Variants in TFEC observed in about 807,000 individuals in gnomAD.
The protein encoded by TFEC is transcription factor EC, also known as class E basic helix-loop-helix protein 34.
A neutral mutation model predicts 41.6 loss-of-function variants in TFEC; 31 were observed. The ratio of observed to expected loss-of-function variants is 0.74; its 90% CI spans 0.56 to 1.01. The LOEUF is 1.01. Among genes scored for constraint, TFEC ranks in the 50% least tolerant of loss-of-function variants. The pLI, the probability that TFEC is intolerant of heterozygous loss-of-function variation, is 0.00. For missense variants in TFEC, 402 were observed against 404.1 expected, an observed-to-expected ratio of 0.99 and a Z score of 0.04; for synonymous variants, 143 against 140.6, an observed-to-expected ratio of 1.02 and a Z score of -0.12.
At chr7:116,130,137 C>A (rs1233819707) in intron 1 of TFEC, among the ~76,000 whole-genome samples, 1 of 151,624 alleles carries the variant, frequency 6.6e-6, no homozygotes, top group Non-Finnish European at 1.5e-5. Context: ...GAAGCCCCAT[C>A]CACTAGAAAT....
chr7:115,951,189 A>G (rs1346037734), intron 5 of TFEC, among the ~76,000 whole-genome samples: 1 of 152,138 alleles, frequency 6.6e-6, no homozygotes, highest in African/African-American at 2.4e-5. Flanking sequence ...AAACATTTTT[A>G]AAAATTCCTT....
intron 3 of TFEC, among the ~76,000 whole-genome samples, chr7:116,077,077 C>A (rs190925238): frequency 4.6e-5 from 7 of 152,166 alleles, no homozygotes; most frequent in Admixed American, 1.3e-4. Context: ...CAGCAGATTT[C>A]TCAGCAGAAA....
chr7:116,051,149 G>C (rs1464160783), intron 3 of TFEC, among the ~76,000 whole-genome samples: 3 of 152,144 alleles, frequency 2.0e-5, no homozygotes, highest in African/African-American at 7.2e-5. Flanking sequence ...GCCTGTCTTG[G>C]GGTTGGGGGA....
Position 116,129,113 on chromosome 7 carries a change from A to G in TFEC, c.-68-17075T>C, listed in dbSNP as rs559799674. Among the ~76,000 whole-genome samples the G allele has an allele frequency of 7.7e-4, 117 of 152,340 alleles. 1 individual carries two copies. Among genetic ancestry groups the G allele is most frequent in the African/African-American group, 2.6e-3 (108 of 41,574 alleles). ...AAATTAAGGTAAAGACCAATAAACCAGAAATCTACTATCATTGGAGATTTG... is the reference window on the plus strand; with the variant it reads ...AAATTAAGGTAAAGACCAATAAACCGGAAATCTACTATCATTGGAGATTTG... On this transcript the variant is annotated intron_variant, in intron 1 of 8. Coordinates refer to the TFEC transcript ENST00000484212.
intron 1 of TFEC, among the ~76,000 whole-genome samples, chr7:116,020,057 T>A (rs1055898706): frequency 1.3e-5 from 2 of 152,174 alleles, no homozygotes; most frequent in Non-Finnish European, 2.9e-5. Context: ...CTTCATTTAA[T>A]CCTCACAGCA....
Position 115,954,596 on chromosome 7 carries a change from G to A in TFEC, c.429C>T (p.Asn143=), listed in dbSNP as rs1792121934. ...ALAKERQKKD[N]HNLIERRRRY... is the part of the protein sequence containing the mutation. ...AAAATATATACTCACTGAGGTTGTG[G>A]TTGTCCTTTTTTTGTCTCTCTTTTG... Residue 143 remains asparagine (N), a synonymous_variant, in exon 5 of 8, where the codon AAC becomes AAT. Coordinates refer to ENST00000265440, the MANE Select transcript of TFEC (RefSeq NM_012252.4). 6.2e-7 allele frequency: 1 copy of A among 1,611,318 alleles called. No homozygotes were observed. Among genetic ancestry groups the A allele is most frequent in the South Asian group, 1.1e-5 (1 of 90,858 alleles).
chr7:116,079,405 T>C (rs547762727), intron 3 of TFEC, among the ~76,000 whole-genome samples: 178 of 152,210 alleles, frequency 1.2e-3, no homozygotes, highest in African/African-American at 4.1e-3. Flanking sequence ...TGTTTGTTGA[T>C]GGTAAGATCG....
At chr7:116,023,422 A>C (rs1276629107) in intron 1 of TFEC, among the ~76,000 whole-genome samples, 1 of 152,230 alleles carries the variant, frequency 6.6e-6, no homozygotes, top group Admixed American at 6.5e-5. Context: ...GAAAACTGAG[A>C]AACTATTGTG....
chr7:116,061,406 A>G (rs1314889193), intron 3 of TFEC, among the ~76,000 whole-genome samples: 1 of 152,164 alleles, frequency 6.6e-6, no homozygotes, highest in African/African-American at 2.4e-5. Context: ...TAGACATGCC[A>G]AAAAATGAAT....
At chr7:116,122,299 CA>C (rs1407269076) in intron 1 of TFEC, among the ~76,000 whole-genome samples, 3 of 152,008 alleles carry the variant, frequency 2.0e-5, no homozygotes, top group African/African-American at 7.2e-5. Context: ...CACAGGTTAG[CA>C]AAAGTTCATT....
At chr7:115,995,704 G>T (rs1794336889) in intron 1 of TFEC, among the ~76,000 whole-genome samples, 1 of 152,196 alleles carries the variant, frequency 6.6e-6, no homozygotes, top group Non-Finnish European at 1.5e-5. Flanking sequence ...AGGAAAGACA[G>T]TCTTGAATTG....
chr7:116,060,512 C>A (rs1416417004), intron 3 of TFEC, among the ~76,000 whole-genome samples: 1 of 152,124 alleles, frequency 6.6e-6, no homozygotes, highest in East Asian at 1.9e-4. Context: ...ACATATACAC[C>A]ATGGAATACT....
intron 1 of TFEC, among the ~76,000 whole-genome samples, chr7:115,987,244 G>T (rs1793900749): frequency 6.6e-6 from 1 of 152,088 alleles, no homozygotes; most frequent in Non-Finnish European, 1.5e-5. Flanking sequence ...AGCATGGAAA[G>T]ATTCAATAAA....
intron 3 of TFEC, among the ~76,000 whole-genome samples, chr7:116,087,375 T>C (rs1194398605): frequency 1.3e-5 from 2 of 152,164 alleles, no homozygotes; most frequent in East Asian, 3.9e-4. Context: ...ATATACATTT[T>C]ATTAAAATAG....
intron 2 of TFEC, chr7:116,111,919 T>C: frequency 4.1e-6 from 3 of 724,316 alleles, no homozygotes; most frequent in Non-Finnish European, 5.1e-6. Flanking sequence ...TGGTAAATGA[T>C]AGTACTTGAT....
chr7:116,069,447 T>C (rs993469872), intron 3 of TFEC, among the ~76,000 whole-genome samples: 2 of 151,634 alleles, frequency 1.3e-5, no homozygotes, highest in African/African-American at 4.8e-5. Flanking sequence ...CTGCTGATGA[T>C]AAAAATGTTG....
intron 1 of TFEC, among the ~76,000 whole-genome samples, chr7:116,157,781 C>T (rs1798899096): frequency 6.6e-6 from 1 of 152,132 alleles, no homozygotes; most frequent in South Asian, 2.1e-4. Flanking sequence ...ACTTTGTTTT[C>T]TCACCTGTAT....
chr7:116,078,810 A>C (rs1317286774), intron 3 of TFEC, among the ~76,000 whole-genome samples: 1 of 152,116 alleles, frequency 6.6e-6, no homozygotes, highest in Non-Finnish European at 1.5e-5. Context: ...TAAAGAGGGA[A>C]TCCTCCCTTA....
chr7:116,019,701 A>G (rs1005226120), intron 1 of TFEC, among the ~76,000 whole-genome samples: 3 of 152,216 alleles, frequency 2.0e-5, no homozygotes, highest in African/African-American at 7.2e-5. Flanking sequence ...CAAAGAGAAC[A>G]GTGAAAAGAA....
Sources: gnomAD v4.1 joint callset for allele counts (sites outside exome capture counted in the v4.1 genomes callset) on GRCh38, gnomAD v4.1.1 for gene constraint, MANE v1.5 for transcripts, NCBI Gene and HGNC (gene_info 2026-07-23, HGNC 2026-07-21) for gene names.